The following ZNF618 variants were observed in gnomAD, a reference collection of about 807,000 sequenced individuals.
The protein encoded by ZNF618 is zinc finger protein 618, also known as neural precursor cell expressed, developmentally down-regulated 10.
In ZNF618, 34 loss-of-function variants were observed where a neutral mutation model predicts 103.0. The ratio of observed to expected loss-of-function variants is 0.33; its 90% CI spans 0.25 to 0.44. ZNF618 has a LOEUF of 0.44. Ranked by LOEUF, ZNF618 falls within the 20% of genes least tolerant of loss-of-function variation. The pLI, the probability that ZNF618 is intolerant of heterozygous loss-of-function variation, is 1.00. For synonymous variants in ZNF618, 551 were observed against 542.2 expected, an observed-to-expected ratio of 1.02 and a Z score of -0.23; for missense variants, 1,059 against 1,295.4, an observed-to-expected ratio of 0.82 and a Z score of 2.80.
chr9:113,925,362 A>G (rs1277426374), intron 1 of ZNF618, among the ~76,000 whole-genome samples: 2 of 151,334 alleles, frequency 1.3e-5, no homozygotes, highest in African/African-American at 2.4e-5. Context: ...TCTTTCTCCA[A>G]ACCTTTACTT....
At chr9:114,024,672 A>G (rs184678180) in intron 10 of ZNF618, among the ~76,000 whole-genome samples, 7 of 151,366 alleles carry the variant, frequency 4.6e-5, no homozygotes, top group Non-Finnish European at 5.9e-5. Context: ...GCTAGGGGGA[A>G]CTCCAAAATA....
intron 2 of ZNF618, among the ~76,000 whole-genome samples, chr9:113,984,173 A>G (rs1839239566): frequency 6.6e-6 from 1 of 152,190 alleles, no homozygotes; most frequent in Non-Finnish European, 1.5e-5. Context: ...CTACACTGGA[A>G]TTTCGGGAAG....
chr9:113,921,707 G>A (rs1277070872), intron 1 of ZNF618, among the ~76,000 whole-genome samples: 1 of 152,200 alleles, frequency 6.6e-6, no homozygotes, highest in Non-Finnish European at 1.5e-5. Context: ...CAGGGGAAAT[G>A]GGACTTTCTG....
chr9:114,039,355 T>C (rs74954035), intron 13 of ZNF618, among the ~76,000 whole-genome samples: 47 of 129,714 alleles, frequency 3.6e-4, no homozygotes, highest in Admixed American at 9.9e-4. Context: ...TTTTTTTTTT[T>C]TTTTCCTTTG....
intron 1 of ZNF618, among the ~76,000 whole-genome samples, chr9:113,934,395 G>A (rs1373538150): frequency 1.3e-5 from 2 of 152,164 alleles, no homozygotes; most frequent in Non-Finnish European, 2.9e-5. Flanking sequence ...TTGGGCAGGT[G>A]ACTCTTCCTC....
intron 4 of ZNF618, among the ~76,000 whole-genome samples, chr9:114,000,938 G>A (rs1209741852): frequency 6.6e-6 from 1 of 152,222 alleles, no homozygotes; most frequent in African/African-American, 2.4e-5. Flanking sequence ...CCTTGGAATA[G>A]GCAGGTCTCC....
Position 113,969,100 on chromosome 9 carries a change from TTG to T in ZNF618, c.34-16_34-15del, listed in dbSNP as rs762819921. The T allele has an allele frequency of 3.1e-6, 5 of 1,613,806 alleles. No individual in the cohort carries two copies. The highest frequency in any genetic ancestry group is 1.3e-5 in the African/African-American group (1 of 74,898). On this transcript the variant is annotated splice_polypyrimidine_tract_variant and intron_variant, in intron 1 of 14. Coordinates refer to ENST00000374126, the MANE Select transcript of ZNF618 (RefSeq NM_001318042.2). Reference sequence around the variant, plus strand: ...TTCTGCCTTGGCTGATGTAGGTGTTTTGGGTTTCTTTTGCAGGCTGACGGAGC... The same window carrying T: ...TTCTGCCTTGGCTGATGTAGGTGTTTGGTTTCTTTTGCAGGCTGACGGAGC...
In ZNF618 at chr9:113,911,623, C is replaced by T. The variant is rs553091883; in HGVS notation, c.33+35210C>T. 1.4e-4 allele frequency among the ~76,000 whole-genome samples: 22 copies of T among 152,260 alleles called. No homozygotes were observed. The East Asian group carries it at 4.2e-3, about 29-fold the overall frequency. On this transcript the variant is annotated intron_variant, in intron 1 of 14. Coordinates refer to ENST00000374126, the MANE Select transcript of ZNF618 (RefSeq NM_001318042.2). The stretch of plus-strand genomic sequence containing the variant: ...GGATCATAGGCGTGAGCCACCGTGC[C>T]TGGCCGGTATTGTTTTTTCTTTACT...
intron 1 of ZNF618, among the ~76,000 whole-genome samples, chr9:113,935,062 A>C (rs1437382218): frequency 6.6e-6 from 1 of 152,198 alleles, no homozygotes. Context: ...ATGCAGGGCC[A>C]CAAGGCTGGT....
intron 7 of ZNF618, 61 bp from the exon 8 acceptor site, chr9:114,008,283 A>G: frequency 6.2e-7 from 1 of 1,606,452 alleles, no homozygotes; most frequent in South Asian, 1.1e-5. Context: ...CTGGGCAGGG[A>G]CTAACAGGGC....
chr9:113,934,954 G>A (rs1158809355), intron 1 of ZNF618, among the ~76,000 whole-genome samples: 3 of 152,214 alleles, frequency 2.0e-5, no homozygotes, highest in Middle Eastern at 3.2e-3. Flanking sequence ...GAGGAGGGGC[G>A]TGGGGCTCAG....
chr9:113,884,774 CAGAG>C (rs3034065), intron 1 of ZNF618, among the ~76,000 whole-genome samples: 8,179 of 141,914 alleles, frequency 0.058, 462 homozygotes, highest in African/African-American at 0.15. Flanking sequence ...CACAAACACA[CAGAG>C]AGAGAGAGAG....
intron 1 of ZNF618, among the ~76,000 whole-genome samples, chr9:113,878,185 C>CA (rs11459008): frequency 0.96 from 139,648 of 145,584 alleles, 66,968 homozygotes; most frequent in East Asian, 0.98. Flanking sequence ...GGTTTGTGAC[C>CA]AAAAAAAAAA....
intron 1 of ZNF618, 23 bp from the exon 2 acceptor site, chr9:113,969,094 G>T: frequency 1.9e-6 from 3 of 1,613,958 alleles, no homozygotes; most frequent in African/African-American, 1.3e-5. Context: ...GGCTGATGTA[G>T]GTGTTTTGGG....
rs1405772874 is a variant in ZNF618 at position 113,909,889 on chromosome 9, ATTC to A, written c.33+33481_33+33483del. On this transcript the variant is annotated intron_variant, in intron 1 of 14. Coordinates refer to ENST00000374126, the MANE Select transcript of ZNF618 (RefSeq NM_001318042.2). ...AACCTCTGCCTCCTGGGTTCAAGTG[ATTC>A]TTCTGCCTCAGCCTCCCGAGTAGCT... 2.6e-5 allele frequency among the ~76,000 whole-genome samples: 4 copies of A among 151,014 alleles called. No homozygotes were observed. In the East Asian group the frequency reaches 7.8e-4, roughly 29 times the overall value.
chr9:113,885,141 G>T (rs1828944025), intron 1 of ZNF618, among the ~76,000 whole-genome samples: 1 of 152,112 alleles, frequency 6.6e-6, no homozygotes, highest in Admixed American at 6.5e-5. Context: ...GGATTGGATG[G>T]TGTCTCTCAG....
At chr9:113,912,960 G>C (rs1300880435) in intron 1 of ZNF618, among the ~76,000 whole-genome samples, 1 of 152,104 alleles carries the variant, frequency 6.6e-6, no homozygotes, top group Non-Finnish European at 1.5e-5. Context: ...CAAGGTCAGA[G>C]GCGGCTGTTA....
chr9:114,025,174 C>T (rs1437031620), intron 10 of ZNF618, among the ~76,000 whole-genome samples: 2 of 152,196 alleles, frequency 1.3e-5, no homozygotes, highest in African/African-American at 4.8e-5. Context: ...TGAAGATTCA[C>T]GAGGAGGGGT....
In ZNF618 at chr9:114,023,402, AT is replaced by A. The variant is rs953342498; in HGVS notation, c.845-5328del. Reference sequence around the variant, plus strand: ...AAAGCTTTACAATGGCATACTTCCCATTTACTGCCCTCCTGTTCTTTGTGCT... The same window carrying A: ...AAAGCTTTACAATGGCATACTTCCCATTACTGCCCTCCTGTTCTTTGTGCT... On this transcript the variant is annotated intron_variant, in intron 10 of 14. Transcript: ENST00000374126. Among the ~76,000 whole-genome samples the A allele has an allele frequency of 1.2e-3, 180 of 152,174 alleles. 1 individual carries two copies. The highest frequency in any genetic ancestry group is 4.1e-3 in the African/African-American group (170 of 41,544).
Sources: gnomAD v4.1 joint callset for allele counts (sites outside exome capture counted in the v4.1 genomes callset) on GRCh38, gnomAD v4.1.1 for gene constraint, MANE v1.5 for transcripts, NCBI Gene and HGNC (gene_info 2026-07-23, HGNC 2026-07-21) for gene names.